The following IZUMO2 variants were observed in gnomAD, a reference collection of about 807,000 sequenced individuals.
IZUMO2 encodes IZUMO family member 2, also known as izumo sperm-egg fusion protein 2.
In IZUMO2, 24 loss-of-function variants were observed where a neutral mutation model predicts 31.2. The observed-to-expected ratio is 0.77, with a 90% CI of 0.56 to 1.08. The LOEUF (loss-of-function observed/expected upper bound fraction) is 1.08, where lower values mean the gene tolerates loss of function less well. IZUMO2 is among the 50% of genes least tolerant of loss of function. The pLI is 0.00. For missense variants in IZUMO2, 278 were observed against 274.0 expected (o/e 1.01, Z -0.10); for synonymous variants, 144 against 117.3 (o/e 1.23, Z -1.47).
chr19:50,157,789 G>A (rs1482197735), intron 5 of IZUMO2, among the ~76,000 whole-genome samples: 2 of 151,258 alleles, frequency 1.3e-5, no homozygotes, highest in Non-Finnish European at 2.9e-5. Context: ...GTATGGTGGT[G>A]CACACTTGTA....
intron 6 of IZUMO2, among the ~76,000 whole-genome samples, chr19:50,154,264 GTTTTTTTTTTTTTTT>G (rs71180675): frequency 5.5e-4 from 44 of 79,284 alleles, no homozygotes; most frequent in Middle Eastern, 0.017. Flanking sequence ...AACTTTTAGC[GTTTTTTTTTTTTTTT>G]TTTTTTTTTT....
At chr19:50,159,627 C>A (rs1201557802) in intron 2 of IZUMO2, 47 bp from the exon 3 acceptor site, 1 of 1,137,450 alleles carries the variant, frequency 8.8e-7, no homozygotes, top group East Asian at 2.3e-5. Flanking sequence ...ACCCAGAAAG[C>A]CCACCCCACT....
At chr19:50,159,334 G>A in intron 3 of IZUMO2, 84 bp from the exon 4 acceptor site, 1 of 1,467,108 alleles carries the variant, frequency 6.8e-7, no homozygotes, top group Middle Eastern at 1.7e-4. Context: ...GAGCAGGTAA[G>A]GGGTGAGGCT....
chr19:50,161,126 C>CTTT (rs398040395), intron 2 of IZUMO2, among the ~76,000 whole-genome samples: 78 of 139,690 alleles, frequency 5.6e-4, no homozygotes, highest in African/African-American at 2.0e-3. Context: ...TTTCCTTTTT[C>CTTT]TTTTTTTTTT....
At position 50,158,250 on chromosome 19, in the gene IZUMO2, C is replaced by A. The variant is rs765602799; in HGVS notation, c.496+18G>T. ...TTGCACGCCTGTCCCATGTCTTCCC[C>A]CACCCCCAGAAGCTTACCAAAGCAG... On this transcript the variant is annotated intron_variant, in intron 5 of 6. Transcript: ENST00000293405. 7 of 1,567,230 alleles carry A rather than the reference C, an allele frequency of 4.5e-6. No individual in the cohort carries two copies. The Admixed American group carries it at 5.1e-5, about 11-fold the overall frequency.
At position 50,152,550 on chromosome 19, in the gene IZUMO2, G is replaced by A. The variant is rs1467193648; in HGVS notation, c.*59C>T. On this transcript the variant is annotated 3_prime_UTR_variant, in exon 7 of 7. Coordinates refer to ENST00000293405, the MANE Select transcript of IZUMO2 (RefSeq NM_152358.3). ...CAGGAAATGGACAGAGACATTGATG[G>A]ATTTGTCACCAATTTTATTAAATTT... 34 of 1,433,852 alleles carry A rather than the reference G, an allele frequency of 2.4e-5. No individual in the cohort carries two copies. The highest frequency in any genetic ancestry group is 3.2e-5 in the Non-Finnish European group (33 of 1,016,646). The allele number at this position is 1,433,852 out of a possible 1,614,324, so 88.8% of individuals were successfully genotyped here.
rs2030284199 is a variant in IZUMO2, at chr19:50,158,326, C to T, written c.438G>A (p.Leu146=). 6.2e-7 allele frequency: 1 copy of T among 1,610,824 alleles called. No individual in the cohort carries two copies. Among genetic ancestry groups the T allele is most frequent in the African/African-American group, 1.3e-5 (1 of 74,766 alleles). ...TGATCCTCTGGCAATGTAAACAGTC[C>T]AACACCTCTTCTTTTAGCAAGCCTA... ...KLCRLLKEEV[L]DCLHCQRITP... The change falls in exon 5 of 7, where the codon TTG becomes TTA. Residue 146 remains leucine (L), a synonymous_variant. Transcript: ENST00000293405.
intron 6 of IZUMO2, among the ~76,000 whole-genome samples, chr19:50,153,058 T>G (rs1215374146): frequency 6.6e-6 from 1 of 152,170 alleles, no homozygotes; most frequent in Non-Finnish European, 1.5e-5. Context: ...ACACGGTCTT[T>G]GCAGATGTAA....
In IZUMO2 at chr19:50,159,610, G is replaced by A. The variant is rs758738660; in HGVS notation, c.308-30C>T. 2.0e-6 allele frequency: 3 copies of A among 1,471,160 alleles called. No individual in the cohort carries two copies. In the South Asian group the frequency reaches 3.4e-5, roughly 17 times the overall value. 91.1% of individuals were successfully genotyped at this position (1,471,160 alleles called of 1,614,324 possible). On this transcript the variant is annotated intron_variant, in intron 2 of 6. Transcript: ENST00000293405. Reference sequence around the variant, plus strand: ...GGAGAGAAAGAGATCTCTGTGGGGTGGGAGGCACCCAGAAAGCCCACCCCA... The same window carrying A: ...GGAGAGAAAGAGATCTCTGTGGGGTAGGAGGCACCCAGAAAGCCCACCCCA...
intron 5 of IZUMO2, 32 bp from the exon 6 acceptor site, chr19:50,154,758 C>T: frequency 6.2e-7 from 1 of 1,609,840 alleles, no homozygotes; most frequent in Non-Finnish European, 8.5e-7. Flanking sequence ...CCCCGACCTC[C>T]ACGTCACCAC....
At chr19:50,162,538 C>G (rs1299667427) in intron 2 of IZUMO2, among the ~76,000 whole-genome samples, 2 of 151,946 alleles carry the variant, frequency 1.3e-5, no homozygotes, top group African/African-American at 4.8e-5. Context: ...TCGCTGGAGC[C>G]CTGGAGGTCG....
rs200272430 is a variant in IZUMO2, at chr19:50,154,724, C to T, written c.499G>A (p.Asp167Asn). ...KCIHKKYCFV[D>N]RQPRVALQYQ... The stretch of plus-strand genomic sequence containing the variant: ...TGCAGGGCCACGCGGGGTTGCCGGT[C>T]GACTGGGGCGGGTGGGGAAACAGCC... The change falls in exon 6 of 7, where the codon GAC becomes AAC. Residue 167 changes from aspartate to asparagine, a missense_variant and splice_region_variant. By Grantham distance (23) the Asp-to-Asn change is conservative. Transcript: ENST00000293405. 107 of 1,613,526 alleles carry T rather than the reference C, an allele frequency of 6.6e-5. 1 individual carries two copies. In the African/African-American group the frequency reaches 1.2e-3, roughly 18 times the overall value.
intron 6 of IZUMO2, among the ~76,000 whole-genome samples, chr19:50,152,978 C>T (rs1425267649): frequency 6.6e-6 from 1 of 152,102 alleles, no homozygotes; most frequent in African/African-American, 2.4e-5. Flanking sequence ...TGGGTTACAG[C>T]GTGTCCCCCA....
intron 2 of IZUMO2, 58 bp downstream of exon 2, chr19:50,162,681 G>A: frequency 7.3e-7 from 1 of 1,370,982 alleles, no homozygotes; most frequent in Non-Finnish European, 1.0e-6. Flanking sequence ...AAGGGAGGTG[G>A]GGCAGACCGG....
rs765535711 is a variant in IZUMO2 at position 50,154,725 on chromosome 19, G to A, written c.498C>T (p.Val166=). Residue 166 remains valine, a splice_region_variant and synonymous_variant, in exon 6 of 7, where the codon GTC becomes GTT. Coordinates refer to ENST00000293405, the MANE Select transcript of IZUMO2 (RefSeq NM_152358.3). The part of the protein sequence containing the change: ...PKCIHKKYCF[V]DRQPRVALQY... ...GCAGGGCCACGCGGGGTTGCCGGTCGACTGGGGCGGGTGGGGAAACAGCCC... is the reference window on the plus strand; with the variant it reads ...GCAGGGCCACGCGGGGTTGCCGGTCAACTGGGGCGGGTGGGGAAACAGCCC... 4.3e-5 allele frequency: 70 copies of A among 1,613,362 alleles called. No homozygotes were observed. Among genetic ancestry groups the A allele is most frequent in the Non-Finnish European group, 5.6e-5 (66 of 1,179,836 alleles).
In IZUMO2 at chr19:50,163,114, C is replaced by T; in HGVS notation, c.81G>A (p.Leu27=). Residue 27 remains leucine, a synonymous_variant, in exon 1 of 7, where the codon TTG becomes TTA. Transcript: ENST00000293405. The stretch of plus-strand genomic sequence containing the variant: ...GCAGGTGACCCAGGGCCTCCAGCAC[C>T]AAGGGGTCGCACTGCAGGCAGCCCC... ...GGWGCLQCDP[L]VLEALGHLRS... is the part of the protein sequence containing the mutation. 1 of 1,606,722 alleles carries T rather than the reference C, an allele frequency of 6.2e-7. No homozygotes were observed.
chr19:50,156,589 A>G (rs547136975), intron 5 of IZUMO2, among the ~76,000 whole-genome samples: 1 of 151,906 alleles, frequency 6.6e-6, no homozygotes, highest in East Asian at 1.9e-4. Context: ...TTTCAATGCC[A>G]ATGTCATGGA....
Position 50,162,940 on chromosome 19 carries a change from G to A in IZUMO2, c.232+23C>T, listed in dbSNP as rs746098825. ...CCGGCATCCCTCGCCCAGCCCCGCTGCCCAATTTCTCCCAACACGCACCCA... is the reference window on the plus strand; with the variant it reads ...CCGGCATCCCTCGCCCAGCCCCGCTACCCAATTTCTCCCAACACGCACCCA... On this transcript the variant is annotated intron_variant, in intron 1 of 6. Coordinates refer to ENST00000293405, the MANE Select transcript of IZUMO2 (RefSeq NM_152358.3). 4.3e-6 allele frequency: 7 copies of A among 1,612,342 alleles called. No homozygotes were observed. In the East Asian group the frequency reaches 1.6e-4, roughly 36 times the overall value.
Position 50,162,779 on chromosome 19 carries a change from G to C in IZUMO2, c.267C>G (p.Val89=). ...TNQLDLVASF[V]KNQTQHLMGN... The stretch of plus-strand genomic sequence containing the variant: ...CCATTAAGTGCTGCGTTTGGTTCTT[G>C]ACAAAGGACGCCACAAGGTCCAGTT... Residue 89 remains valine (V), a synonymous_variant, in exon 2 of 7, where the codon GTC becomes GTG. Coordinates refer to ENST00000293405, the MANE Select transcript of IZUMO2 (RefSeq NM_152358.3). 6.2e-7 allele frequency: 1 copy of C among 1,613,968 alleles called. No individual in the cohort carries two copies.
Sources: allele counts gnomAD v4.1 joint callset (sites outside exome capture counted in the v4.1 genomes callset), GRCh38; gene constraint gnomAD v4.1.1; transcripts MANE v1.5; gene names NCBI Gene and HGNC (gene_info 2026-07-23, HGNC 2026-07-21).